The following CCDC73 variants were observed in gnomAD, a reference collection of about 807,000 sequenced individuals.
CCDC73 encodes coiled-coil domain containing 73.
A neutral mutation model predicts 116.5 loss-of-function variants in CCDC73; 95 were observed. That is an observed-to-expected ratio of 0.82 (90% CI 0.69 to 0.97). The LOEUF is 0.97. CCDC73 is among the 50% of genes least tolerant of loss of function. The pLI is 0.00. For synonymous variants in CCDC73, 398 were observed against 401.3 expected, an observed-to-expected ratio of 0.99 and a Z score of 0.10; for missense variants, 1,066 against 1,206.8, an observed-to-expected ratio of 0.88 and a Z score of 1.73.
intron 3 of CCDC73, among the ~76,000 whole-genome samples, chr11:32,708,626 G>C (rs1256020754): frequency 6.6e-6 from 1 of 151,998 alleles, no homozygotes; most frequent in African/African-American, 2.4e-5. Context: ...CATCTCCTTG[G>C]TTAGGTATAT....
In CCDC73 at chr11:32,675,583, T is replaced by C; in HGVS notation, c.627A>G (p.Glu209=). ...ATCATACCTTCTTTAAACTGCATATTTCAGCTTCTTGTTTTTTATTTAAAG... is the reference window on the plus strand; with the variant it reads ...ATCATACCTTCTTTAAACTGCATATCTCAGCTTCTTGTTTTTTATTTAAAG... ...LSALNKKQEA[E]ICSLKKELKK... is the part of the protein sequence containing the mutation. Residue 209 remains glutamate, a synonymous_variant, in exon 9 of 18, where the codon GAA becomes GAG. Coordinates refer to ENST00000335185, the MANE Select transcript of CCDC73 (RefSeq NM_001008391.4). The C allele has an allele frequency of 6.3e-7, 1 of 1,584,174 alleles. No individual in the cohort carries two copies. The highest frequency in any genetic ancestry group is 1.4e-5 in the African/African-American group (1 of 73,568).
At chr11:32,801,776 G>A in the CCDC73 span, among the ~76,000 whole-genome samples, 1 of 152,108 alleles carries the variant, frequency 6.6e-6, no homozygotes, top group Non-Finnish European at 1.5e-5. Context: ...CAAGTTTAAT[G>A]TATCTATGAG....
At chr11:32,812,112 C>A in the CCDC73 span, among the ~76,000 whole-genome samples, 1 of 152,160 alleles carries the variant, frequency 6.6e-6, no homozygotes, top group South Asian at 2.1e-4. Context: ...ATATTTTTAA[C>A]AATTTTCCTC....
chr11:32,677,059 T>C (rs1031556479), intron 7 of CCDC73, among the ~76,000 whole-genome samples: 1 of 152,218 alleles, frequency 6.6e-6, no homozygotes, highest in Non-Finnish European at 1.5e-5. Context: ...GAATCATTAA[T>C]TGGTTTCACA....
intron 9 of CCDC73, among the ~76,000 whole-genome samples, chr11:32,672,932 C>G (rs1856052582): frequency 6.6e-6 from 1 of 152,070 alleles, no homozygotes; most frequent in South Asian, 2.1e-4. Flanking sequence ...GAATATATAA[C>G]CAATTTATTG....
chr11:32,720,218 A>G (rs1849979051), intron 2 of CCDC73, among the ~76,000 whole-genome samples: 1 of 152,220 alleles, frequency 6.6e-6, no homozygotes, highest in African/African-American at 2.4e-5. Flanking sequence ...AGGTATGCAA[A>G]GCTGGTTCAA....
chr11:32,642,126 A>G, intron 12 of CCDC73, 44 bp from the exon 13 acceptor site: 1 of 1,473,084 alleles, frequency 6.8e-7, no homozygotes, highest in Non-Finnish European at 9.0e-7. Context: ...ATACCACATT[A>G]ATGAATTCTG....
At chr11:32,662,167 C>A (rs1280355763) in intron 9 of CCDC73, among the ~76,000 whole-genome samples, 1 of 152,186 alleles carries the variant, frequency 6.6e-6, no homozygotes, top group East Asian at 1.9e-4. Context: ...GTCTTTATAG[C>A]AGCATGCTTT....
chr11:32,785,169 A>G (rs11031982), intron 1 of CCDC73, among the ~76,000 whole-genome samples: 1,818 of 151,838 alleles, frequency 0.012, 36 homozygotes, highest in African/African-American at 0.042. Flanking sequence ...CCATCTCAGG[A>G]AAAAAAAAGA....
chr11:32,776,950 TATATATATATACACACAC>T (rs1850538813), intron 1 of CCDC73, among the ~76,000 whole-genome samples: 1 of 28,428 alleles, frequency 3.5e-5, no homozygotes, highest in African/African-American at 9.5e-5. Context: ...TATATATATA[TATATATATATACACACAC>T]ACACATATAT....
intron 6 of CCDC73, among the ~76,000 whole-genome samples, chr11:32,691,253 T>C (rs1021922024): frequency 4.0e-5 from 6 of 151,800 alleles, no homozygotes; most frequent in Non-Finnish European, 8.8e-5. Context: ...ACCATGTTGG[T>C]CAGGCTGGTC....
At chr11:32,665,331 T>A (rs543507750) in intron 9 of CCDC73, among the ~76,000 whole-genome samples, 31 of 152,292 alleles carry the variant, frequency 2.0e-4, no homozygotes, top group African/African-American at 7.5e-4. Flanking sequence ...GCTTTATGAA[T>A]CTGGGTGCTC....
At chr11:32,776,036 TTC>T (rs1565098996) in intron 1 of CCDC73, among the ~76,000 whole-genome samples, 3 of 152,026 alleles carry the variant, frequency 2.0e-5, no homozygotes, top group Non-Finnish European at 4.4e-5. Flanking sequence ...ATCTTTCTCT[TTC>T]TCTCTCTCTG....
Position 32,794,641 on chromosome 11 carries a change from T to C in CCDC73, c.-44A>G, listed in dbSNP as rs1392523269. The C allele has an allele frequency of 1.3e-5, 2 of 152,322 alleles. No homozygotes were observed. The highest frequency in any genetic ancestry group is 2.9e-5 in the Non-Finnish European group (2 of 68,100). The allele number at this position is 152,322 out of a possible 1,614,324, so 9.4% of individuals were successfully genotyped here. On this transcript the variant is annotated 5_prime_UTR_variant, in exon 1 of 18. Transcript: ENST00000335185. ...AGCGAAGCGCGCCTCTAGCTCCTGT[T>C]GGCCCTTCCGGTTCACCTTTTCCCG... is the stretch of plus-strand genomic sequence containing the variant.
At chr11:32,661,824 T>C (rs1430204710) in intron 9 of CCDC73, among the ~76,000 whole-genome samples, 1 of 151,740 alleles carries the variant, frequency 6.6e-6, no homozygotes, top group Non-Finnish European at 1.5e-5. Flanking sequence ...CCTAATGCTA[T>C]CCCTCCCCTC....
At chr11:32,639,554 A>G (rs1017616880) in intron 13 of CCDC73, among the ~76,000 whole-genome samples, 4 of 151,852 alleles carry the variant, frequency 2.6e-5, no homozygotes, top group African/African-American at 9.7e-5. Context: ...GGTTCAAGCA[A>G]TTCTCTGCCT....
chr11:32,607,344 G>A (rs201899), intron 17 of CCDC73, among the ~76,000 whole-genome samples: 65,358 of 150,544 alleles, frequency 0.43, 14,526 homozygotes, highest in African/African-American at 0.49. Flanking sequence ...CGCCCGCCTC[G>A]GCCTCCCAAA....
At chr11:32,673,511 C>A (rs1365180308) in intron 9 of CCDC73, among the ~76,000 whole-genome samples, 1 of 152,090 alleles carries the variant, frequency 6.6e-6, no homozygotes, top group Admixed American at 6.6e-5. Context: ...GTCAAGATGA[C>A]AACATTGACC....
intron 9 of CCDC73, among the ~76,000 whole-genome samples, chr11:32,664,750 AG>A (rs1855964451): frequency 6.6e-6 from 1 of 151,286 alleles, no homozygotes; most frequent in Non-Finnish European, 1.5e-5. Flanking sequence ...TTGTGATGTT[AG>A]GGTGTCAATT....
Sources: allele counts gnomAD v4.1 joint callset (sites outside exome capture counted in the v4.1 genomes callset), GRCh38; gene constraint gnomAD v4.1.1; transcripts MANE v1.5; gene names NCBI Gene and HGNC (gene_info 2026-07-23, HGNC 2026-07-21).